Variants in ARHGEF28 observed in about 807,000 individuals in gnomAD.
ARHGEF28 encodes the protein Rho guanine nucleotide exchange factor 28, also known as 190 kDa guanine nucleotide exchange factor.
Under a neutral mutation model 206.6 loss-of-function variants are expected in ARHGEF28, and 152 were observed. That is an observed-to-expected ratio of 0.74 (90% CI 0.64 to 0.84). The LOEUF (loss-of-function observed/expected upper bound fraction) is 0.84. ARHGEF28 is among the 40% of genes least tolerant of loss of function. The probability of loss-of-function intolerance (pLI) is 0.00; values close to 1 mark genes in which losing one functional copy is unlikely to be tolerated. For missense variants in ARHGEF28, 2,028 were observed against 2,073.2 expected (o/e 0.98, Z 0.42); for synonymous variants, 763 against 776.4 (o/e 0.98, Z 0.29).
chr5:73,713,534 A>G (rs951001010), intron 2 of ARHGEF28, among the ~76,000 whole-genome samples: 1 of 152,200 alleles, frequency 6.6e-6, no homozygotes, highest in East Asian at 1.9e-4. Flanking sequence ...AGTCCTGTTT[A>G]CTTCAATTCT....
At chr5:73,830,521 T>G (rs1237096586) in intron 9 of ARHGEF28, among the ~76,000 whole-genome samples, 1 of 143,046 alleles carries the variant, frequency 7.0e-6, no homozygotes, top group South Asian at 2.2e-4. Context: ...GCCACTGCAC[T>G]CCAGCCTGGT....
At chr5:73,630,135 A>C (rs1320649571) in intron 1 of ARHGEF28, among the ~76,000 whole-genome samples, 1 of 152,252 alleles carries the variant, frequency 6.6e-6, no homozygotes, top group East Asian at 1.9e-4. Flanking sequence ...TCAAATATAT[A>C]TAATAGACAT....
chr5:73,861,658 T>A (rs1759411387), intron 16 of ARHGEF28, among the ~76,000 whole-genome samples: 1 of 152,242 alleles, frequency 6.6e-6, no homozygotes, highest in African/African-American at 2.4e-5. Flanking sequence ...TAACTATTTG[T>A]TTTTGAACAT....
At chr5:73,701,473 T>C (rs1748594171) in intron 2 of ARHGEF28, among the ~76,000 whole-genome samples, 1 of 152,180 alleles carries the variant, frequency 6.6e-6, no homozygotes, top group Non-Finnish European at 1.5e-5. Flanking sequence ...TACTAGCCAT[T>C]AAATTGCATG....
intron 2 of ARHGEF28, among the ~76,000 whole-genome samples, chr5:73,726,010 C>G (rs1027517654): frequency 5.3e-5 from 8 of 152,172 alleles, no homozygotes; most frequent in Non-Finnish European, 1.0e-4. Flanking sequence ...AACTAGCAGT[C>G]AAGGTGACTG....
chr5:73,798,504 A>G (rs549944940), intron 9 of ARHGEF28, among the ~76,000 whole-genome samples: 84 of 152,306 alleles, frequency 5.5e-4, no homozygotes, highest in African/African-American at 1.9e-3. Flanking sequence ...CAAGGAGCTG[A>G]CATCTATGTC....
intron 7 of ARHGEF28, chr5:73,786,625 C>A (rs1016915131): frequency 6.6e-6 from 1 of 152,146 alleles, no homozygotes; most frequent in African/African-American, 2.4e-5. Flanking sequence ...TCAGCTCTGC[C>A]GTGAACTGGC....
intron 7 of ARHGEF28, among the ~76,000 whole-genome samples, chr5:73,786,056 C>CAAAAA (rs61560155): frequency 1.3e-5 from 1 of 76,472 alleles, no homozygotes. Context: ...TGGCAGTAAC[C>CAAAAA]AAAAAAAAAA....
chr5:73,764,500 G>A (rs1752789461), intron 4 of ARHGEF28, among the ~76,000 whole-genome samples: 1 of 152,222 alleles, frequency 6.6e-6, no homozygotes, highest in Non-Finnish European at 1.5e-5. Flanking sequence ...GTGTTATACA[G>A]CACTATGTGA....
At chr5:73,916,028 T>C (rs1437385029) in intron 35 of ARHGEF28, among the ~76,000 whole-genome samples, 1 of 152,230 alleles carries the variant, frequency 6.6e-6, no homozygotes, top group African/African-American at 2.4e-5. Context: ...ATTTTCAAAA[T>C]TCAAAGCATT....
intron 26 of ARHGEF28, among the ~76,000 whole-genome samples, chr5:73,888,508 G>A (rs951717777): frequency 6.6e-6 from 1 of 152,148 alleles, no homozygotes; most frequent in African/African-American, 2.4e-5. Flanking sequence ...TTAACCTGTG[G>A]GATGGTGAGG....
intron 4 of ARHGEF28, among the ~76,000 whole-genome samples, chr5:73,766,176 A>AAAAAC (rs1035742550): frequency 2.8e-4 from 43 of 151,800 alleles, no homozygotes; most frequent in African/African-American, 9.9e-4. Flanking sequence ...ACAAAAAACA[A>AAAAAC]AAAACAAAAC....
intron 29 of ARHGEF28, among the ~76,000 whole-genome samples, chr5:73,896,248 A>G (rs72772590): frequency 0.042 from 6,417 of 152,260 alleles, 203 homozygotes; most frequent in East Asian, 0.064. Flanking sequence ...GGGGAGGATC[A>G]TCTTGGGCAG....
At chr5:73,884,062 G>A (rs568197367) in intron 24 of ARHGEF28, among the ~76,000 whole-genome samples, 178 bp downstream of exon 24, 3 of 152,304 alleles carry the variant, frequency 2.0e-5, no homozygotes, top group South Asian at 4.1e-4. Flanking sequence ...TTATAATGCA[G>A]CATGGGTAAA....
At chr5:73,658,327 G>C (rs1291693714) in intron 1 of ARHGEF28, among the ~76,000 whole-genome samples, 1 of 152,102 alleles carries the variant, frequency 6.6e-6, no homozygotes, top group Non-Finnish European at 1.5e-5. Flanking sequence ...TGATGGCAGA[G>C]ACCTGTCTTA....
intron 7 of ARHGEF28, among the ~76,000 whole-genome samples, chr5:73,788,815 G>A (rs578052462): frequency 2.0e-5 from 3 of 152,286 alleles, no homozygotes; most frequent in Non-Finnish European, 2.9e-5. Context: ...AGGATCAACT[G>A]TATAATGATT....
intron 21 of ARHGEF28, among the ~76,000 whole-genome samples, chr5:73,872,624 TAAAG>T (rs913281642): frequency 1.1e-4 from 16 of 152,148 alleles, no homozygotes; most frequent in African/African-American, 3.6e-4. Flanking sequence ...AAAAATCAAA[TAAAG>T]AAAGGAAGAA....
At chr5:73,845,039 A>G (rs1279963530) in intron 11 of ARHGEF28, among the ~76,000 whole-genome samples, 3 of 112,828 alleles carry the variant, frequency 2.7e-5, no homozygotes, top group Non-Finnish European at 5.1e-5. Context: ...TTTTTTTGAG[A>G]CGGAGTCTTG....
At chr5:73,807,391 C>T (rs1251680646) in intron 9 of ARHGEF28, among the ~76,000 whole-genome samples, 4 of 152,014 alleles carry the variant, frequency 2.6e-5, no homozygotes, top group Admixed American at 2.0e-4. Flanking sequence ...TCAAGGTTTC[C>T]TGTTGTTTGT....
Sources: allele counts gnomAD v4.1 joint callset (sites outside exome capture counted in the v4.1 genomes callset), GRCh38; gene constraint gnomAD v4.1.1; transcripts MANE v1.5; gene names NCBI Gene and HGNC (gene_info 2026-07-23, HGNC 2026-07-21).